Variants in ADAM15 observed in about 807,000 individuals in gnomAD.
ADAM15 encodes the protein disintegrin and metalloproteinase domain-containing protein 15.
In ADAM15, 77 loss-of-function variants were observed where a neutral mutation model predicts 113.8. That is an observed-to-expected ratio of 0.68 (90% confidence interval 0.56 to 0.82). The LOEUF is 0.82. Among genes scored for constraint, ADAM15 ranks in the 40% least tolerant of loss-of-function variants. The pLI is 0.00. For missense variants in ADAM15, 963 were observed against 1,120.1 expected, an observed-to-expected ratio of 0.86 and a Z score of 2.00; for synonymous variants, 388 against 454.1, an observed-to-expected ratio of 0.85 and a Z score of 1.85.
chr1:155,054,749 A>T (rs1222718660), intron 6 of ADAM15, among the ~76,000 whole-genome samples: 1 of 152,138 alleles, frequency 6.6e-6, no homozygotes, highest in Non-Finnish European at 1.5e-5. Flanking sequence ...GTGCACCCGT[A>T]GTTCCAGCCA....
rs1489864871 is a variant in ADAM15 at position 155,062,122 on chromosome 1, G to A, written c.2425-123G>A. ...TGGTGCCTTTAATGGTGACAGGTTT[G>A]TTTGCAGACAAGGGTGACCGCTGGT... On this transcript the variant is annotated intron_variant, in intron 21 of 22. Coordinates refer to ENST00000356955, the MANE Select transcript of ADAM15 (RefSeq NM_207197.3). This position sits in a 1 kb window ranked among gnomAD's most constrained non-coding sequence, Gnocchi z 7.0. 25 of 1,461,156 alleles carry A rather than the reference G, an allele frequency of 1.7e-5. No individual in the cohort carries two copies. In the East Asian group the frequency reaches 5.7e-4, roughly 33 times the overall value. The allele number at this position is 1,461,156 out of a possible 1,614,324, so 90.5% of individuals were successfully genotyped here.
At position 155,055,785 on chromosome 1, in the gene ADAM15, A is replaced by T; in HGVS notation, c.613-5A>T. On this transcript the variant is annotated splice_region_variant and splice_polypyrimidine_tract_variant and intron_variant, in intron 6 of 22. Transcript: ENST00000356955. Reference sequence around the variant, plus strand: ...TTGCCTGATAATTCTTCTTGTCCATAGTAGAGGCGGGATGTGGTAACAGAG... The same window carrying T: ...TTGCCTGATAATTCTTCTTGTCCATTGTAGAGGCGGGATGTGGTAACAGAG... The T allele has an allele frequency of 1.2e-6, 2 of 1,614,140 alleles. No homozygotes were observed. The highest frequency in any genetic ancestry group is 1.7e-6 in the Non-Finnish European group (2 of 1,180,028).
At chr1:155,053,358 A>C in intron 2 of ADAM15, 59 bp from the exon 3 acceptor site, 4 of 1,515,798 alleles carry the variant, frequency 2.6e-6, no homozygotes, top group Non-Finnish European at 3.7e-6. Flanking sequence ...TTTTCTGGTT[A>C]GAGAGGCTGG....
Position 155,061,957 on chromosome 1 carries a change from G to A in ADAM15, c.2406G>A (p.Pro802=), listed in dbSNP as rs375080297. 2 of 1,587,660 alleles carry A rather than the reference G, an allele frequency of 1.3e-6. No homozygotes were observed. The highest frequency in any genetic ancestry group is 3.5e-5 in the Admixed American group (2 of 57,352). The change falls in exon 21 of 23, where the codon CCG becomes CCA. Residue 802 remains proline (P), a synonymous_variant. Transcript: ENST00000356955. The part of the protein sequence containing the change: ...NPPTRPLPAD[P]VVRSPKSQGP... ...CTACCCGCCCTCTGCCCGCTGACCC[G>A]GTGGTGAGAAGCCCGAAGGTAACGG... is the stretch of plus-strand genomic sequence containing the variant.
intron 5 of ADAM15, 25 bp from the exon 6 acceptor site, chr1:155,054,289 G>A: frequency 6.3e-7 from 1 of 1,586,402 alleles, no homozygotes; most frequent in African/African-American, 1.4e-5. Context: ...GAGCTGAAAT[G>A]TTCTCTGACT....
intron 16 of ADAM15, among the ~76,000 whole-genome samples, chr1:155,059,582 T>C (rs1477588385): frequency 6.6e-6 from 1 of 152,100 alleles, no homozygotes. Context: ...TGAGCCATAA[T>C]TGCACCACTG....
At position 155,062,586 on chromosome 1, in the gene ADAM15, G is replaced by A. The variant is rs1429952944; in HGVS notation, c.*84G>A. The A allele has an allele frequency of 6.5e-7, 1 of 1,539,220 alleles. No homozygotes were observed. The highest frequency in any genetic ancestry group is 2.4e-5 in the East Asian group (1 of 42,082). On this transcript the variant is annotated 3_prime_UTR_variant, in exon 23 of 23. Coordinates refer to ENST00000356955, the MANE Select transcript of ADAM15 (RefSeq NM_207197.3). This position sits in a 1 kb window ranked among gnomAD's most constrained non-coding sequence, Gnocchi z 7.0. ...CCCTCTGGAGTCCCCTACCATGACT[G>A]AAGGCGCCAGAGACTGGCGGTGTCT...
Position 155,062,486 on chromosome 1 carries a change from C to T in ADAM15, c.2576C>T (p.Ser859Phe), listed in dbSNP as rs1275681181. The T allele has an allele frequency of 1.4e-5, 22 of 1,613,336 alleles. No homozygotes were observed. The highest frequency in any genetic ancestry group is 1.6e-4 in the Middle Eastern group (1 of 6,082). The stretch of plus-strand genomic sequence containing the variant: ...CCAGCGCCACCGCCTCCGACAGTGT[C>T]CTCGCTCTACCTCTGACCTCTCCGG... ...SRPAPPPPTV[S>F]SLYL Residue 859 changes from serine (S) to phenylalanine (F), a missense_variant, in exon 23 of 23, where the codon TCC (serine) becomes TTC (phenylalanine). Transcript: ENST00000356955. This position sits in a 1 kb window ranked among gnomAD's most constrained non-coding sequence, Gnocchi z 7.0.
At chr1:155,053,884 C>G in intron 3 of ADAM15, 26 bp from the exon 4 acceptor site, 4 of 1,612,440 alleles carry the variant, frequency 2.5e-6, no homozygotes, top group Non-Finnish European at 2.5e-6. Context: ...GGCTTTAGCA[C>G]TGCCTTCTTT....
chr1:155,052,247 G>C, intron 1 of ADAM15: 1 of 508,334 alleles, frequency 2.0e-6, no homozygotes, highest in Non-Finnish European at 3.5e-6. Flanking sequence ...AGAAATGGGC[G>C]TTCCTGGCAT....
chr1:155,062,414 G>A lies in ADAM15; in HGVS notation c.2549+45G>A. On this transcript the variant is annotated intron_variant, in intron 22 of 22. Transcript: ENST00000356955. This position sits in a 1 kb window ranked among gnomAD's most constrained non-coding sequence, Gnocchi z 7.0. ...TGGGTGGGCGGGGCGAGTGACCTGG[G>A]GGAAAGGGGCCTCTGACTCTTTTTT... 3 of 1,612,196 alleles carry A rather than the reference G, an allele frequency of 1.9e-6. No homozygotes were observed. Among genetic ancestry groups the A allele is most frequent in the Non-Finnish European group, 1.7e-6 (2 of 1,179,566 alleles).
rs1276000239 is a variant in ADAM15, at chr1:155,061,989, G to A, written c.2424+14G>A. 6.4e-7 allele frequency: 1 copy of A among 1,570,864 alleles called. No individual in the cohort carries two copies. Among genetic ancestry groups the A allele is most frequent in the Non-Finnish European group, 8.7e-7 (1 of 1,155,572 alleles). ...AGAAGCCCGAAGGTAACGGTGGGGGGAGAGAAGGGCACGGCCTCTCCCCCC... is the reference window on the plus strand; with the variant it reads ...AGAAGCCCGAAGGTAACGGTGGGGGAAGAGAAGGGCACGGCCTCTCCCCCC... On this transcript the variant is annotated intron_variant, in intron 21 of 22. Transcript: ENST00000356955.
At chr1:155,052,616 C>T in intron 1 of ADAM15, 55 bp from the exon 2 acceptor site, 3 of 1,557,916 alleles carry the variant, frequency 1.9e-6, no homozygotes, top group Non-Finnish European at 2.6e-6. Flanking sequence ...CCTGTCACCC[C>T]CAGCCCTGCT....
intron 4 of ADAM15, 73 bp downstream of exon 4, chr1:155,054,061 A>C: frequency 3.7e-6 from 6 of 1,612,002 alleles, no homozygotes; most frequent in Non-Finnish European, 4.2e-6. Context: ...GTGAGAGGAC[A>C]CTGCATATTT....
chr1:155,060,246 G>C lies in ADAM15; in HGVS notation c.2110G>C (p.Val704Leu), dbSNP rs778413112. The change falls in exon 18 of 23, where the codon GTC (valine) becomes CTC (leucine). Residue 704 changes from valine (V) to leucine (L), a missense_variant. Transcript: ENST00000356955. ...LTTGLLLSLL[V>L]LLVLVMLGAS... ...CACAGGGCTGCTCCTCAGCCTCCTG[G>C]TCTTATTGGTCCTGGTGATGCTTGG... The C allele has an allele frequency of 1.2e-6, 2 of 1,613,938 alleles. No individual in the cohort carries two copies. Among genetic ancestry groups the C allele is most frequent in the Non-Finnish European group, 1.7e-6 (2 of 1,180,012 alleles).
chr1:155,057,473 C>A lies in ADAM15; in HGVS notation c.1323+111C>A. The A allele has an allele frequency of 6.6e-7, 1 of 1,512,646 alleles. No homozygotes were observed. Among genetic ancestry groups the A allele is most frequent in the Non-Finnish European group, 9.0e-7 (1 of 1,107,408 alleles). The allele number at this position is 1,512,646 out of a possible 1,614,324, so 93.7% of individuals were successfully genotyped here. On this transcript the variant is annotated intron_variant, in intron 12 of 22. Transcript: ENST00000356955. This position sits in a 1 kb window ranked among gnomAD's most constrained non-coding sequence, Gnocchi z 5.0. ...TGGGTTCTGAAGGGACTTTCCACCC[C>A]TCTCCTACTTGCCCTGTCTGTGGGG...
chr1:155,054,490 A>G lies in ADAM15; in HGVS notation c.596A>G (p.Gln199Arg). 1.3e-6 allele frequency: 2 copies of G among 1,575,784 alleles called. No individual in the cohort carries two copies. The highest frequency in any genetic ancestry group is 1.7e-6 in the Non-Finnish European group (2 of 1,158,336). ...TQKPPEHPLGQRHIRRRRDVV... is the reference protein window; with the variant it reads ...TQKPPEHPLGRRHIRRRRDVV... ...AAGCCACCAGAGCACCCCCTGGGAC[A>G]GCGCCACATTCGCCGGGTGAGGATG... is the stretch of plus-strand genomic sequence containing the variant. The change falls in exon 6 of 23, where the codon CAG becomes CGG. Residue 199 changes from glutamine (Q) to arginine (R), a missense_variant. Physicochemically the swap from Gln to Arg is conservative, Grantham distance 43 (BLOSUM62 1). Transcript: ENST00000356955.
At chr1:155,061,881 C>T (rs1404541215) in intron 20 of ADAM15, 23 bp from the exon 21 acceptor site, 1 of 1,506,436 alleles carries the variant, frequency 6.6e-7, no homozygotes, top group Non-Finnish European at 8.9e-7. Context: ...GCTCTCACAG[C>T]CACTGCCCCT....
chr1:155,058,073 C>T lies in ADAM15; in HGVS notation c.1639C>T (p.Leu547Phe), dbSNP rs1325102882. 6.2e-7 allele frequency: 1 copy of T among 1,614,086 alleles called. No homozygotes were observed. Among genetic ancestry groups the T allele is most frequent in the Non-Finnish European group, 8.5e-7 (1 of 1,180,048 alleles). ...PGAQPAAPLC[L>F]QTANTRGNAF... ...AGCCCAGCCCGCTGCGCCACTTTGC[C>T]TCCAGACAGCTAATACTCGGGGAAA... Residue 547 changes from leucine to phenylalanine, a missense_variant, in exon 14 of 23, where the codon CTC (leucine) becomes TTC (phenylalanine). Leu to Phe is a conservative substitution (Grantham distance 22, BLOSUM62 0). Coordinates refer to ENST00000356955, the MANE Select transcript of ADAM15 (RefSeq NM_207197.3). The surrounding 1 kb of genome is among the most constrained non-coding windows in gnomAD (Gnocchi z 4.3).
Sources: allele counts gnomAD v4.1 joint callset (sites outside exome capture counted in the v4.1 genomes callset), GRCh38; gene constraint gnomAD v4.1.1; non-coding constraint Gnocchi (gnomAD v3.1); transcripts MANE v1.5; gene names NCBI Gene and HGNC (gene_info 2026-07-23, HGNC 2026-07-21).